The following SYBU variants were observed in gnomAD, a reference collection of about 807,000 sequenced individuals.
The protein encoded by SYBU is syntabulin.
In SYBU, 21 loss-of-function variants were observed where a neutral mutation model predicts 35.9. That is an observed-to-expected ratio of 0.58 (90% CI 0.41 to 0.84). The LOEUF is 0.84. Among genes scored for constraint, SYBU ranks in the 40% least tolerant of loss-of-function variants. The pLI is 0.00. For missense variants in SYBU, 768 were observed against 848.2 expected, an observed-to-expected ratio of 0.91 and a Z score of 1.17; for synonymous variants, 319 against 324.3, an observed-to-expected ratio of 0.98 and a Z score of 0.18.
At chr8:109,616,617 G>A (rs951149191) in intron 3 of SYBU, among the ~76,000 whole-genome samples, 1 of 152,066 alleles carries the variant, frequency 6.6e-6, no homozygotes, top group South Asian at 2.1e-4. Context: ...ATGAGGTGGT[G>A]GGGGTGGGCT....
intron 3 of SYBU, among the ~76,000 whole-genome samples, chr8:109,598,990 A>C (rs1825197962): frequency 6.6e-6 from 1 of 152,238 alleles, no homozygotes; most frequent in Admixed American, 6.5e-5. Context: ...TGCCTTAAAC[A>C]CCAGGAAAGT....
chr8:109,626,222 A>T lies in SYBU; in HGVS notation c.230-7183T>A, dbSNP rs572627111. ...ACTTGATAATGTTTTTGACATTCAA[A>T]CCTTGCTCTATTCTGTCAAATCTCT... On this transcript the variant is annotated intron_variant, in intron 2 of 6. Transcript: ENST00000276646. Among the ~76,000 whole-genome samples, 7 of 152,278 alleles carry T rather than the reference A, an allele frequency of 4.6e-5. No homozygotes were observed. The South Asian group carries it at 1.5e-3, about 32-fold the overall frequency.
At chr8:109,629,587 T>C (rs990427119) in intron 2 of SYBU, among the ~76,000 whole-genome samples, 21 of 152,174 alleles carry the variant, frequency 1.4e-4, no homozygotes, top group Non-Finnish European at 2.4e-4. Context: ...ATATTGTGAA[T>C]AATGCCGCAA....
rs1261724854 is a variant in SYBU, at chr8:109,575,312, A to G, written c.1586T>C (p.Met529Thr). 6.2e-7 allele frequency: 1 copy of G among 1,614,070 alleles called. No individual in the cohort carries two copies. The highest frequency in any genetic ancestry group is 1.3e-5 in the African/African-American group (1 of 74,934). Residue 529 changes from methionine (M) to threonine (T), a missense_variant, in exon 7 of 7, where the codon ATG becomes ACG. Coordinates refer to ENST00000276646, the MANE Select transcript of SYBU (RefSeq NM_001099754.2). ...AGAGAGGGACTCTGGGAAGCTCTCC[A>G]TCGAGTCTGGTTCAGACTCATCAGG... ...ASPDESEPDS[M>T]ESFPESLSAL...
chr8:109,627,009 A>C (rs1486969713), intron 2 of SYBU, among the ~76,000 whole-genome samples: 1 of 152,230 alleles, frequency 6.6e-6, no homozygotes, highest in African/African-American at 2.4e-5. Flanking sequence ...CTCAGAGCCC[A>C]CTGGCTTTCA....
intron 3 of SYBU, among the ~76,000 whole-genome samples, chr8:109,612,297 G>C (rs944354827): frequency 6.6e-6 from 1 of 152,158 alleles, no homozygotes; most frequent in Admixed American, 6.5e-5. Flanking sequence ...TCAAATTTCA[G>C]AGTGTTATTC....
At chr8:109,644,265 G>A (rs1009065188) in intron 1 of SYBU, 67 of 500,434 alleles carry the variant, frequency 1.3e-4, no homozygotes, top group Non-Finnish European at 2.4e-4. Context: ...CGCAGACCCT[G>A]AGCTAAGGCA....
Position 109,642,952 on chromosome 8 carries a change from A to G in SYBU, c.25-20T>C, listed in dbSNP as rs1469511484. On this transcript the variant is annotated intron_variant, in intron 1 of 6. Coordinates refer to ENST00000276646, the MANE Select transcript of SYBU (RefSeq NM_001099754.2). The stretch of plus-strand genomic sequence containing the variant: ...CTCCTTCTCAAAATTGGACATCAAA[A>G]AAGAAAACAAAAGGAAACGCGTTTC... 6.9e-7 allele frequency: 1 copy of G among 1,449,660 alleles called. No homozygotes were observed. The highest frequency in any genetic ancestry group is 9.1e-7 in the Non-Finnish European group (1 of 1,095,188). 89.8% of individuals were successfully genotyped at this position (1,449,660 alleles called of 1,614,324 possible). A position where few individuals can be genotyped will look rare whatever the true frequency, so the allele number is the denominator to read the frequency against.
chr8:109,605,713 C>A (rs996578386), intron 3 of SYBU, among the ~76,000 whole-genome samples: 12 of 152,278 alleles, frequency 7.9e-5, no homozygotes, highest in African/African-American at 2.9e-4. Flanking sequence ...AGATGTCACA[C>A]AGAATTAGTG....
At chr8:109,629,294 A>G (rs1813326235) in intron 2 of SYBU, among the ~76,000 whole-genome samples, 1 of 152,232 alleles carries the variant, frequency 6.6e-6, no homozygotes, top group African/African-American at 2.4e-5. Context: ...GCTAATATTT[A>G]CTGAGTGCCT....
At chr8:109,629,289 T>A (rs1283596811) in intron 2 of SYBU, among the ~76,000 whole-genome samples, 1 of 152,244 alleles carries the variant, frequency 6.6e-6, no homozygotes, top group African/African-American at 2.4e-5. Context: ...ATCTAGCTAA[T>A]ATTTACTGAG....
At chr8:109,675,301 G>A (rs537701992) in intron 1 of SYBU, among the ~76,000 whole-genome samples, 2 of 152,128 alleles carry the variant, frequency 1.3e-5, no homozygotes, top group Non-Finnish European at 2.9e-5. Context: ...GAGCAGAACC[G>A]AAGTAGATAG....
chr8:109,663,461 A>G (rs1586973029), intron 1 of SYBU, among the ~76,000 whole-genome samples: 1 of 152,166 alleles, frequency 6.6e-6, no homozygotes, highest in Non-Finnish European at 1.5e-5. Context: ...AAATATTCCA[A>G]TTTTGGTTAG....
At chr8:109,590,924 T>A (rs749746571) in intron 3 of SYBU, among the ~76,000 whole-genome samples, 4 of 152,218 alleles carry the variant, frequency 2.6e-5, no homozygotes, top group African/African-American at 4.8e-5. Flanking sequence ...ATCTATCTGA[T>A]AGGCAAAAGA....
At position 109,586,042 on chromosome 8, in the gene SYBU, G is replaced by C. The variant is rs767158161; in HGVS notation, c.530+18C>G. 1 of 1,585,412 alleles carries C rather than the reference G, an allele frequency of 6.3e-7. No homozygotes were observed. The highest frequency in any genetic ancestry group is 1.3e-5 in the African/African-American group (1 of 74,684). On this transcript the variant is annotated intron_variant, in intron 4 of 6. Transcript: ENST00000276646. ...CTGTGTAAAGCGTCTTAATTACAGA[G>C]CAGGAGATGGTGCCTACTTGCGTGA...
intron 3 of SYBU, among the ~76,000 whole-genome samples, chr8:109,616,718 A>G (rs1344844100): frequency 2.0e-5 from 3 of 148,736 alleles, no homozygotes; most frequent in Non-Finnish European, 4.5e-5. Context: ...TTTTCAATCT[A>G]TGAAGCTGAC....
At chr8:109,637,437 C>T (rs560757815) in intron 2 of SYBU, among the ~76,000 whole-genome samples, 17 of 152,306 alleles carry the variant, frequency 1.1e-4, no homozygotes, top group African/African-American at 3.8e-4. Flanking sequence ...TTACCACATT[C>T]TCAAAGAAAT....
intron 2 of SYBU, among the ~76,000 whole-genome samples, chr8:109,629,646 T>C (rs995621317): frequency 1.3e-5 from 2 of 152,124 alleles, no homozygotes; most frequent in African/African-American, 4.8e-5. Context: ...TTATAGTCCT[T>C]TGGGTATATA....
intron 5 of SYBU, 76 bp downstream of exon 5, chr8:109,579,721 CTT>C: frequency 1.6e-6 from 2 of 1,253,400 alleles, no homozygotes; most frequent in Non-Finnish European, 2.3e-6. Flanking sequence ...AGTTGTATAA[CTT>C]TTTTTTTTCT....
Sources: allele counts gnomAD v4.1 joint callset (sites outside exome capture counted in the v4.1 genomes callset), GRCh38; gene constraint gnomAD v4.1.1; transcripts MANE v1.5; gene names NCBI Gene and HGNC (gene_info 2026-07-23, HGNC 2026-07-21).